Variants in ADCY5 observed in about 807,000 individuals in gnomAD.
ADCY5 encodes the protein adenylate cyclase type 5.
Under a neutral mutation model 119.7 loss-of-function variants are expected in ADCY5, and 30 were observed. The ratio of observed to expected loss-of-function variants is 0.25; its 90% CI spans 0.19 to 0.34. The LOEUF (loss-of-function observed/expected upper bound fraction) is 0.34. Among genes scored for constraint, ADCY5 ranks in the 10% least tolerant of loss-of-function variants. ADCY5 has a pLI of 1.00. For synonymous variants in ADCY5, 753 were observed against 762.2 expected, an observed-to-expected ratio of 0.99 and a Z score of 0.20; for missense variants, 1,324 against 1,775.2, an observed-to-expected ratio of 0.75 and a Z score of 4.57.
At chr3:123,432,456 T>A (rs889086259) in intron 1 of ADCY5, among the ~76,000 whole-genome samples, 1 of 152,162 alleles carries the variant, frequency 6.6e-6, no homozygotes, top group African/African-American at 2.4e-5. Flanking sequence ...CCTCCCAACA[T>A]GGCCTGACAG....
intron 8 of ADCY5, 68 bp from the exon 9 acceptor site, chr3:123,320,839 G>T (rs540124481): frequency 2.5e-6 from 3 of 1,214,210 alleles, no homozygotes; most frequent in South Asian, 2.6e-5. Flanking sequence ...GCTCAGAGGC[G>T]TCTAGATGGC....
chr3:123,336,086 G>T (rs765343986), intron 3 of ADCY5, among the ~76,000 whole-genome samples: 12 of 152,186 alleles, frequency 7.9e-5, no homozygotes, highest in Non-Finnish European at 1.3e-4. Flanking sequence ...AGGGAATTTG[G>T]ATTCTCCATA....
intron 1 of ADCY5, among the ~76,000 whole-genome samples, chr3:123,380,264 G>A (rs1559849324): frequency 6.6e-6 from 1 of 152,212 alleles, no homozygotes; most frequent in Non-Finnish European, 1.5e-5. Context: ...CAGCTGTGGT[G>A]AACAGGCTTG....
rs183717558 is a variant in ADCY5, at chr3:123,426,457, G to T, written c.1134+20955C>A. Among the ~76,000 whole-genome samples, 396 of 152,026 alleles carry T rather than the reference G, an allele frequency of 2.6e-3. 1 individual carries two copies. The highest frequency in any genetic ancestry group is 8.3e-3 in the African/African-American group (344 of 41,466). On this transcript the variant is annotated intron_variant, in intron 1 of 20. Transcript: ENST00000462833. The stretch of plus-strand genomic sequence containing the variant: ...CCCTGCCTCAACCTCCCGAGTAGCT[G>T]GGACTACAGGCGTGCGCCACCAAGC...
intron 3 of ADCY5, among the ~76,000 whole-genome samples, chr3:123,346,840 T>C (rs939251337): frequency 4.6e-5 from 7 of 152,110 alleles, no homozygotes; most frequent in African/African-American, 9.7e-5. Flanking sequence ...TCTGGGCATA[T>C]GGGAGGATTA....
At chr3:123,407,141 C>T (rs959242929) in intron 1 of ADCY5, among the ~76,000 whole-genome samples, 1 of 152,142 alleles carries the variant, frequency 6.6e-6, no homozygotes, top group Non-Finnish European at 1.5e-5. Flanking sequence ...CCCACTCTGA[C>T]CTCTGGGTCC....
intron 1 of ADCY5, among the ~76,000 whole-genome samples, chr3:123,435,654 A>C (rs1945596920): frequency 6.6e-6 from 1 of 152,012 alleles, no homozygotes; most frequent in Non-Finnish European, 1.5e-5. Flanking sequence ...GCAGCTTAGG[A>C]ACCTGAAGAC....
At chr3:123,343,931 A>G (rs1427993275) in intron 3 of ADCY5, among the ~76,000 whole-genome samples, 1 of 152,172 alleles carries the variant, frequency 6.6e-6, no homozygotes, top group Non-Finnish European at 1.5e-5. Flanking sequence ...CGGGGTCTCC[A>G]GGGGTCCCCT....
chr3:123,429,722 G>A (rs971713421), intron 1 of ADCY5, among the ~76,000 whole-genome samples: 1 of 152,214 alleles, frequency 6.6e-6, no homozygotes, highest in Non-Finnish European at 1.5e-5. Flanking sequence ...GACAGCAGGT[G>A]GAGAGCATGG....
intron 13 of ADCY5, among the ~76,000 whole-genome samples, chr3:123,303,832 GAAA>G (rs1559790087): frequency 1.8e-4 from 19 of 106,988 alleles, no homozygotes; most frequent in Admixed American, 6.1e-4. Context: ...CTCAAAACTG[GAAA>G]GAAAAGAGAA....
At chr3:123,358,009 T>C (rs1039418857) in intron 1 of ADCY5, among the ~76,000 whole-genome samples, 4 of 152,196 alleles carry the variant, frequency 2.6e-5, no homozygotes, top group African/African-American at 7.2e-5. Flanking sequence ...ATAAACCCTG[T>C]CCTTGTGTAA....
intron 1 of ADCY5, among the ~76,000 whole-genome samples, chr3:123,440,892 CACT>C (rs1265685588): frequency 6.6e-6 from 1 of 152,232 alleles, no homozygotes. Context: ...TTACCACCAC[CACT>C]ATGACCCAAT....
At chr3:123,383,713 C>T (rs1209808972) in intron 1 of ADCY5, among the ~76,000 whole-genome samples, 2 of 152,026 alleles carry the variant, frequency 1.3e-5, no homozygotes, top group Non-Finnish European at 2.9e-5. Flanking sequence ...GGGGTTTAAA[C>T]TACTGGGCAA....
chr3:123,307,639 A>G (rs1940271234), intron 12 of ADCY5, among the ~76,000 whole-genome samples: 1 of 151,992 alleles, frequency 6.6e-6, no homozygotes, highest in Non-Finnish European at 1.5e-5. Context: ...TTCTATCTCC[A>G]TCCCCTTCCC....
At chr3:123,432,579 G>A (rs1168336217) in intron 1 of ADCY5, among the ~76,000 whole-genome samples, 1 of 152,100 alleles carries the variant, frequency 6.6e-6, no homozygotes, top group African/African-American at 2.4e-5. Flanking sequence ...TGCCCAGGCT[G>A]GAGTGCAGTG....
chr3:123,297,507 C>A, intron 15 of ADCY5, 125 bp from the exon 16 acceptor site: 1 of 1,077,274 alleles, frequency 9.3e-7, no homozygotes, highest in Non-Finnish European at 1.4e-6. Flanking sequence ...CTCCCCAGCC[C>A]CATTCACCCT....
chr3:123,307,616 G>A (rs1940270282), intron 12 of ADCY5, among the ~76,000 whole-genome samples: 1 of 152,130 alleles, frequency 6.6e-6, no homozygotes, highest in Non-Finnish European at 1.5e-5. Flanking sequence ...GTTGGCTGCT[G>A]AAAATTTTGT....
At chr3:123,305,857 T>C (rs1316496339) in intron 12 of ADCY5, among the ~76,000 whole-genome samples, 1 of 151,998 alleles carries the variant, frequency 6.6e-6, no homozygotes, top group Non-Finnish European at 1.5e-5. Flanking sequence ...ACCACAAAGA[T>C]GGATAGATCA....
At chr3:123,334,025 C>T (rs547283210) in intron 3 of ADCY5, among the ~76,000 whole-genome samples, 115 of 152,128 alleles carry the variant, frequency 7.6e-4, no homozygotes, top group Non-Finnish European at 1.2e-3. Flanking sequence ...GGCTTGTGTT[C>T]CCTAAGTTGA....
Sources: allele counts gnomAD v4.1 joint callset (sites outside exome capture counted in the v4.1 genomes callset), GRCh38; gene constraint gnomAD v4.1.1; transcripts MANE v1.5; gene names NCBI Gene and HGNC (gene_info 2026-07-23, HGNC 2026-07-21).